The following LRRK2 variants were observed in gnomAD, a reference collection of about 807,000 sequenced individuals.
LRRK2 encodes leucine rich repeat kinase 2, also known as leucine-rich repeat serine/threonine-protein kinase 2.
Under a neutral mutation model 302.6 loss-of-function variants are expected in LRRK2, and 203 were observed. The observed-to-expected ratio is 0.67, with a 90% confidence interval of 0.60 to 0.75. The LOEUF is 0.75. Among genes scored for constraint, LRRK2 ranks in the 30% least tolerant of loss-of-function variants. The pLI, the probability that LRRK2 is intolerant of heterozygous loss-of-function variation, is 0.00. For synonymous variants in LRRK2, 1,066 were observed against 1,031.9 expected, an observed-to-expected ratio of 1.03 and a Z score of -0.63; for missense variants, 2,830 against 2,951.0, an observed-to-expected ratio of 0.96 and a Z score of 0.95.
chr12:40,282,392 C>T (rs1168423699), intron 18 of LRRK2, among the ~76,000 whole-genome samples: 1 of 151,942 alleles, frequency 6.6e-6, no homozygotes, highest in Non-Finnish European at 1.5e-5. Flanking sequence ...TGTATGTTTG[C>T]TCAGTGCTAC....
At chr12:40,332,666 A>C (rs1945745028) in intron 39 of LRRK2, among the ~76,000 whole-genome samples, 2 of 152,184 alleles carry the variant, frequency 1.3e-5, no homozygotes, top group Non-Finnish European at 2.9e-5. Context: ...TAGTAACAAC[A>C]GTCACACTGT....
intron 31 of LRRK2, among the ~76,000 whole-genome samples, chr12:40,311,760 G>C (rs1453521324): frequency 6.6e-6 from 1 of 152,118 alleles, no homozygotes; most frequent in Non-Finnish European, 1.5e-5. Context: ...GAGAGAATTT[G>C]TATGTTTGTA....
At chr12:40,227,412 C>G (rs1317407006) in intron 2 of LRRK2, among the ~76,000 whole-genome samples, 1 of 152,116 alleles carries the variant, frequency 6.6e-6, no homozygotes, top group African/African-American at 2.4e-5. Flanking sequence ...TTGCTTGTAT[C>G]TAATTATATT....
chr12:40,332,070 T>A (rs1393234788), intron 39 of LRRK2, among the ~76,000 whole-genome samples: 1 of 152,202 alleles, frequency 6.6e-6, no homozygotes, highest in Non-Finnish European at 1.5e-5. Context: ...TCAGCCCCAG[T>A]GAGTCATCTG....
intron 13 of LRRK2, among the ~76,000 whole-genome samples, chr12:40,261,357 T>G (rs549175967): frequency 6.6e-6 from 1 of 152,296 alleles, no homozygotes; most frequent in African/African-American, 2.4e-5. Flanking sequence ...AAGCAAGTTT[T>G]GAATACAGTA....
At chr12:40,317,814 A>G (rs933697123) in intron 33 of LRRK2, among the ~76,000 whole-genome samples, 3 of 152,076 alleles carry the variant, frequency 2.0e-5, no homozygotes, top group African/African-American at 7.2e-5. Context: ...TGCAGATTTT[A>G]TTCTTATGTA....
rs72546315 is a variant in LRRK2, at chr12:40,243,668, T to C, written c.825T>C (p.His275=). 5.5e-4 allele frequency: 893 copies of C among 1,611,476 alleles called. No homozygotes were observed. The highest frequency in any genetic ancestry group is 6.9e-4 in the Non-Finnish European group (816 of 1,178,304). Residue 275 remains histidine, a synonymous_variant, in exon 7 of 51, where the codon CAT becomes CAC. Coordinates refer to ENST00000298910, the MANE Select transcript of LRRK2 (RefSeq NM_198578.4). The part of the protein sequence containing the change: ...RIQEVSCCLL[H]RLTLGNFFNI... ...AAGAAGTGAGTTGCTGTTTGCTCCA[T>C]AGGCTTACATTAGGTGAGTTTCTTA... is the stretch of plus-strand genomic sequence containing the variant.
chr12:40,346,460 AT>A (rs1453539981), intron 41 of LRRK2, among the ~76,000 whole-genome samples: 9 of 152,290 alleles, frequency 5.9e-5, no homozygotes, highest in Non-Finnish European at 1.2e-4. Context: ...ATAACTTACC[AT>A]TGAATGTTTA....
At chr12:40,254,781 T>C (rs545043968) in intron 11 of LRRK2, among the ~76,000 whole-genome samples, 1 of 152,316 alleles carries the variant, frequency 6.6e-6, no homozygotes, top group Non-Finnish European at 1.5e-5. Context: ...CTGCTCTTTC[T>C]AGTTCCTTAC....
chr12:40,298,627 C>A, intron 24 of LRRK2, 134 bp downstream of exon 24: 1 of 1,167,552 alleles, frequency 8.6e-7, no homozygotes, highest in Non-Finnish European at 1.2e-6. Context: ...CAAAAATTAG[C>A]CCAGCGTGGT....
chr12:40,280,620 G>A, intron 18 of LRRK2, among the ~76,000 whole-genome samples: 1 of 19,926 alleles, frequency 5.0e-5, no homozygotes, highest in Non-Finnish European at 9.8e-5. Flanking sequence ...GCCAGACCCT[G>A]TTAAAATAAA....
intron 23 of LRRK2, among the ~76,000 whole-genome samples, chr12:40,296,934 C>A (rs1205836508): frequency 6.6e-6 from 1 of 152,108 alleles, no homozygotes; most frequent in African/African-American, 2.4e-5. Context: ...GCTTCTCTTC[C>A]TTTTTCCTTC....
In LRRK2 at chr12:40,326,292, A is replaced by G. The variant is rs550848819; in HGVS notation, c.5657-2068A>G. Among the ~76,000 whole-genome samples, 538 of 151,874 alleles carry G rather than the reference A, an allele frequency of 3.5e-3. 2 individuals are homozygous for G. The highest frequency in any genetic ancestry group is 4.6e-3 in the Non-Finnish European group (315 of 67,934). ...ATCCTGGCTAACACGGTGAAACCCC[A>G]TCTCTACTAAAAATACAAAAAATTA... On this transcript the variant is annotated intron_variant, in intron 38 of 50. Coordinates refer to ENST00000298910, the MANE Select transcript of LRRK2 (RefSeq NM_198578.4).
rs1943803400 is a variant in LRRK2, at chr12:40,283,811, G to A, written c.2242-64G>A. 4 of 1,402,878 alleles carry A rather than the reference G, an allele frequency of 2.9e-6. No individual in the cohort carries two copies. In the South Asian group the frequency reaches 5.1e-5, roughly 18 times the overall value. 86.9% of individuals were successfully genotyped at this position (1,402,878 alleles called of 1,614,324 possible). ...AGAAAAATCACATGAAGTTTGATTT[G>A]CCAGTCTCCTAAAAGGAAGAAAAAT... is the stretch of plus-strand genomic sequence containing the variant. On this transcript the variant is annotated intron_variant, in intron 18 of 50. Coordinates refer to ENST00000298910, the MANE Select transcript of LRRK2 (RefSeq NM_198578.4).
At chr12:40,360,823 C>T (rs1946681507) in intron 47 of LRRK2, among the ~76,000 whole-genome samples, 1 of 152,070 alleles carries the variant, frequency 6.6e-6, no homozygotes, top group Admixed American at 6.6e-5. Context: ...TATTACCTTT[C>T]ACCCCCAACC....
rs71078229 is a variant in LRRK2, at chr12:40,229,955, C to CTTTTTTTTTTTTTTTTTTTTTTTTT, written c.238-2315_238-2291dup. On this transcript the variant is annotated intron_variant, in intron 2 of 50. Transcript: ENST00000298910. ...GAGATGAGTTTGGCATCCTATGTGACTTTTTTTTTTTTTTTTTTTTTTTTT... is the reference window on the plus strand; with the variant it reads ...GAGATGAGTTTGGCATCCTATGTGACTTTTTTTTTTTTTTTTTTTTTTTTTTTTTTTTTTTTTTTTTTTTTTTTTT... 7.5e-5 allele frequency among the ~76,000 whole-genome samples: 7 copies of CTTTTTTTTTTTTTTTTTTTTTTTTT among 92,926 alleles called. 3 individuals carry two copies. The highest frequency in any genetic ancestry group is 4.2e-5 in the Non-Finnish European group (2 of 47,742). 61.0% of individuals were successfully genotyped at this position (92,926 alleles called of 152,430 possible).
At chr12:40,336,509 A>C (rs1401952854) in intron 40 of LRRK2, among the ~76,000 whole-genome samples, 1 of 152,196 alleles carries the variant, frequency 6.6e-6, no homozygotes, top group African/African-American at 2.4e-5. Context: ...CTTCAGAATT[A>C]CTGTGTTGAC....
chr12:40,262,519 A>G (rs781095248), intron 13 of LRRK2, among the ~76,000 whole-genome samples: 2 of 152,144 alleles, frequency 1.3e-5, no homozygotes, highest in South Asian at 2.1e-4. Flanking sequence ...TTAAAGCACT[A>G]TGTCTAGAAT....
chr12:40,359,325 G>A lies in LRRK2; in HGVS notation c.6909G>A (p.Leu2303=). The A allele has an allele frequency of 1.2e-6, 2 of 1,612,820 alleles. No homozygotes were observed. The highest frequency in any genetic ancestry group is 1.7e-6 in the Non-Finnish European group (2 of 1,179,448). ...ATGTCAGTACTCCATTGATGTGTTT[G>A]AGTGAATCCACAAATTCAACGGAAA... The part of the protein sequence containing the change: ...IGNVSTPLMC[L]SESTNSTERN... Residue 2303 remains leucine, a synonymous_variant, in exon 47 of 51, where the codon TTG becomes TTA. Transcript: ENST00000298910.
Sources: allele counts gnomAD v4.1 joint callset (sites outside exome capture counted in the v4.1 genomes callset), GRCh38; gene constraint gnomAD v4.1.1; transcripts MANE v1.5; gene names NCBI Gene and HGNC (gene_info 2026-07-23, HGNC 2026-07-21).